Variants in FAAH2 observed in about 807,000 individuals in gnomAD.
FAAH2 encodes fatty acid amide hydrolase 2.
Under a neutral mutation model 36.9 loss-of-function variants are expected in FAAH2, and 60 were observed. That is an observed-to-expected ratio of 1.63 (90% CI 1.32 to 2.02). The LOEUF (loss-of-function observed/expected upper bound fraction) is 2.02, where lower values mean the gene tolerates loss of function less well. Ranked by LOEUF, FAAH2 falls within the 30% of genes most tolerant of loss-of-function variation. The pLI is 0.00. For missense variants in FAAH2, 689 were observed against 397.5 expected, an observed-to-expected ratio of 1.73 and a Z score of -6.23; for synonymous variants, 214 against 143.8, an observed-to-expected ratio of 1.49 and a Z score of -3.49.
chrX:57,271,485 A>G, the FAAH2 span, among the ~76,000 whole-genome samples: 7 of 112,339 alleles, frequency 6.2e-5, no homozygotes, highest in African/African-American at 2.3e-4. Flanking sequence ...ACCTCCAAGT[A>G]GGGGCCAACA....
chrX:57,178,252 C>A, the FAAH2 span, among the ~76,000 whole-genome samples: 1 of 112,244 alleles, frequency 8.9e-6, no homozygotes, highest in Non-Finnish European at 1.9e-5. Context: ...GGCACATGGA[C>A]AGACTCAAGA....
chrX:57,395,203 A>T (rs2055264994), intron 7 of FAAH2: 3 of 540,789 alleles, frequency 5.5e-6, no homozygotes, highest in Non-Finnish European at 1.0e-5. Context: ...TGGTAACTTA[A>T]TGTCAGTGGC....
At chrX:57,239,498 C>A in the FAAH2 span, among the ~76,000 whole-genome samples, 3 of 109,508 alleles carry the variant, frequency 2.7e-5, no homozygotes, top group African/African-American at 1.0e-4. Context: ...ATTTCATTGA[C>A]CTTGGGGAAT....
At chrX:57,341,027 AC>A (rs1035584969) in intron 4 of FAAH2, among the ~76,000 whole-genome samples, 36 of 111,363 alleles carry the variant, frequency 3.2e-4, no homozygotes, top group African/African-American at 1.1e-3. Context: ...ACAAACACAG[AC>A]CCGGGGAAGA....
intron 5 of FAAH2, among the ~76,000 whole-genome samples, chrX:57,372,275 G>A (rs1184704953): frequency 1.8e-5 from 2 of 111,025 alleles, no homozygotes; most frequent in Non-Finnish European, 3.8e-5. Context: ...ATATGTATAA[G>A]CATTCTCTTT....
chrX:57,315,358 A>G (rs1444509578), intron 3 of FAAH2, among the ~76,000 whole-genome samples: 2 of 111,207 alleles, frequency 1.8e-5, no homozygotes, highest in Non-Finnish European at 3.8e-5. Flanking sequence ...ATACTACTGA[A>G]ACTATTCTAA....
chrX:57,160,698 C>A, the FAAH2 span, among the ~76,000 whole-genome samples: 2 of 111,560 alleles, frequency 1.8e-5, no homozygotes, highest in Non-Finnish European at 3.8e-5. Flanking sequence ...CCCCTTTGTC[C>A]TTTTTTATTG....
intron 7 of FAAH2, among the ~76,000 whole-genome samples, chrX:57,414,616 G>T (rs2055790677): frequency 9.0e-6 from 1 of 111,318 alleles, no homozygotes; most frequent in African/African-American, 3.3e-5. Context: ...GATTCAGTTT[G>T]CCAGTATTTT....
rs763960522 is a variant in FAAH2, at chrX:57,413,876, C to T, written c.997-18042C>T. 7.1e-4 allele frequency among the ~76,000 whole-genome samples: 79 copies of T among 111,559 alleles called. 1 individual carries two copies. Among genetic ancestry groups the T allele is most frequent in the Non-Finnish European group, 9.4e-4 (50 of 53,045 alleles). On this transcript the variant is annotated intron_variant, in intron 7 of 10. Transcript: ENST00000374900. ...GTTTTTCCACTTGTTTGTGTCCTCTCTTATTTCCTTGAGCAGTGATTTGTA... is the reference window on the plus strand; with the variant it reads ...GTTTTTCCACTTGTTTGTGTCCTCTTTTATTTCCTTGAGCAGTGATTTGTA...
At chrX:57,212,015 T>G in the FAAH2 span, among the ~76,000 whole-genome samples, 1 of 111,769 alleles carries the variant, frequency 8.9e-6, no homozygotes, top group African/African-American at 3.3e-5. Context: ...GCAAGATGAT[T>G]GCATGAAGCC....
intron 3 of FAAH2, among the ~76,000 whole-genome samples, chrX:57,328,821 G>A (rs1487955190): frequency 9.0e-6 from 1 of 111,578 alleles, no homozygotes; most frequent in Non-Finnish European, 1.9e-5. Flanking sequence ...AACATTTAAA[G>A]TGGCCAAGAC....
chrX:57,306,584 T>G (rs1367495481), intron 2 of FAAH2, among the ~76,000 whole-genome samples: 1 of 107,908 alleles, frequency 9.3e-6, no homozygotes, highest in East Asian at 3.0e-4. Flanking sequence ...TAATGTGTTC[T>G]AACCAACCCC....
At chrX:57,405,726 A>T (rs2147319347) in intron 7 of FAAH2, among the ~76,000 whole-genome samples, 1 of 99,939 alleles carries the variant, frequency 1.0e-5, no homozygotes, top group Admixed American at 1.1e-4. Flanking sequence ...TTAAGCTCTG[A>T]AATTCTTTCT....
chrX:57,124,826 A>G, the FAAH2 span, among the ~76,000 whole-genome samples: 1 of 111,958 alleles, frequency 8.9e-6, no homozygotes, highest in African/African-American at 3.3e-5. Context: ...GATGTATAAG[A>G]ATGCTTGTGA....
intron 10 of FAAH2, among the ~76,000 whole-genome samples, chrX:57,468,242 A>T (rs894693794): frequency 2.7e-5 from 3 of 112,163 alleles, no homozygotes; most frequent in Non-Finnish European, 5.6e-5. Flanking sequence ...ACAAAGCTGG[A>T]TGGAGAATGA....
chrX:57,418,334 C>T (rs2055901625), intron 7 of FAAH2, among the ~76,000 whole-genome samples: 1 of 111,817 alleles, frequency 8.9e-6, no homozygotes, highest in Non-Finnish European at 1.9e-5. Context: ...CAGTGTTTTG[C>T]TTGAAGCCCA....
At chrX:57,437,800 TAA>T (rs1269035389) in intron 8 of FAAH2, among the ~76,000 whole-genome samples, 25 of 102,553 alleles carry the variant, frequency 2.4e-4, no homozygotes, top group African/African-American at 6.9e-4. Context: ...AAATATGTTA[TAA>T]TCAGATTTAT....
intron 10 of FAAH2, among the ~76,000 whole-genome samples, chrX:57,468,353 A>C (rs2057091119): frequency 9.0e-6 from 1 of 111,632 alleles, no homozygotes; most frequent in African/African-American, 3.3e-5. Flanking sequence ...CGTTGAAAAA[A>C]GATTAGATGA....
At chrX:57,452,012 A>G (rs41315084) in intron 10 of FAAH2, 32 of 181,438 alleles carry the variant, frequency 1.8e-4, no homozygotes, top group Non-Finnish European at 2.5e-4. Context: ...TCCTACCACG[A>G]TTATCAACAT....
Sources: gnomAD v4.1 joint callset for allele counts (sites outside exome capture counted in the v4.1 genomes callset) on GRCh38, gnomAD v4.1.1 for gene constraint, MANE v1.5 for transcripts, NCBI Gene and HGNC (gene_info 2026-07-23, HGNC 2026-07-21) for gene names.